DCC: variants seen among roughly 807,000 people sequenced by gnomAD.
DCC encodes netrin receptor DCC.
A neutral mutation model predicts 172.5 loss-of-function variants in DCC; 58 were observed. The observed-to-expected ratio is 0.34, with a 90% CI of 0.27 to 0.42. DCC has a LOEUF of 0.42. Ranked by LOEUF, DCC falls within the 10% of genes least tolerant of loss-of-function variation. The pLI, the probability that DCC is intolerant of heterozygous loss-of-function variation, is 1.00. For synonymous variants in DCC, 709 were observed against 644.5 expected (o/e 1.10, Z -1.52); for missense variants, 1,740 against 1,791.0 (o/e 0.97, Z 0.51).
chr18:52,602,893 A>C (rs1019944755), intron 1 of DCC, among the ~76,000 whole-genome samples: 3 of 152,066 alleles, frequency 2.0e-5, no homozygotes, highest in African/African-American at 7.2e-5. Context: ...CTTAACCTGG[A>C]ATATTACCTA....
intron 9 of DCC, among the ~76,000 whole-genome samples, chr18:53,190,041 C>T (rs958677010): frequency 2.0e-5 from 3 of 152,218 alleles, no homozygotes; most frequent in Non-Finnish European, 4.4e-5. Flanking sequence ...ATTCTCCTGC[C>T]TCAGCCTCCC....
intron 9 of DCC, among the ~76,000 whole-genome samples, chr18:53,186,050 A>G (rs1254810966): frequency 6.6e-6 from 1 of 152,186 alleles, no homozygotes; most frequent in African/African-American, 2.4e-5. Flanking sequence ...ACAGTGGTAT[A>G]TCGTAAGTGT....
chr18:52,513,367 C>A (rs546849128), intron 1 of DCC, among the ~76,000 whole-genome samples: 13 of 152,178 alleles, frequency 8.5e-5, no homozygotes, highest in Middle Eastern at 3.4e-3. Context: ...CCTAATCTCT[C>A]TGATTCTTTT....
intron 7 of DCC, among the ~76,000 whole-genome samples, chr18:53,081,527 A>T (rs1369632749): frequency 1.3e-5 from 2 of 151,972 alleles, no homozygotes; most frequent in African/African-American, 4.8e-5. Context: ...AAAAGAAAAA[A>T]AAAAAGACCT....
At chr18:53,080,117 C>A (rs2042779045) in intron 7 of DCC, among the ~76,000 whole-genome samples, 1 of 151,950 alleles carries the variant, frequency 6.6e-6, no homozygotes, top group Admixed American at 6.6e-5. Flanking sequence ...GTAGGCTAAG[C>A]AAGAGAGAAT....
chr18:52,926,916 T>TACATATATATACAC, intron 5 of DCC, among the ~76,000 whole-genome samples: 1 of 136,648 alleles, frequency 7.3e-6, no homozygotes, highest in African/African-American at 2.7e-5. Flanking sequence ...TATATACGTA[T>TACATATATATACAC]ACATATATAT....
chr18:52,677,356 G>A (rs1328519929), intron 1 of DCC, among the ~76,000 whole-genome samples: 1 of 152,098 alleles, frequency 6.6e-6, no homozygotes, highest in African/African-American at 2.4e-5. Context: ...TAAAATGCTT[G>A]TTCTTGAGGC....
At chr18:53,235,885 G>T (rs1385684102) in intron 12 of DCC, among the ~76,000 whole-genome samples, 1 of 151,974 alleles carries the variant, frequency 6.6e-6, no homozygotes, top group African/African-American at 2.4e-5. Context: ...TTTGTCCTTT[G>T]GTGTCTGGCT....
chr18:52,471,697 G>A (rs1365206438), intron 1 of DCC, among the ~76,000 whole-genome samples: 2 of 152,170 alleles, frequency 1.3e-5, no homozygotes, highest in African/African-American at 2.4e-5. Flanking sequence ...GAGTAATGAC[G>A]AAGAATGCAG....
chr18:52,726,085 A>T lies in DCC; in HGVS notation c.92-25969A>T, dbSNP rs147906420. ...AGCAAGTGATCACATTTTGACCAAT[A>T]TTGACCATGATGAATGACCAAGTGT... On this transcript the variant is annotated intron_variant, in intron 1 of 28. Coordinates refer to ENST00000442544, the MANE Select transcript of DCC (RefSeq NM_005215.4). Among the ~76,000 whole-genome samples, 24 of 152,336 alleles carry T rather than the reference A, an allele frequency of 1.6e-4. No individual in the cohort carries two copies. In the East Asian group the frequency reaches 4.6e-3, roughly 29 times the overall value.
At position 52,507,735 on chromosome 18, in the gene DCC, T is replaced by A. The variant is rs16955118; in HGVS notation, c.91+166857T>A. ...ATCTACCATTTCTAGAGTGATTGAA[T>A]CCTCAGAGCATCTTTTGGTATCAAA... On this transcript the variant is annotated intron_variant, in intron 1 of 28. Transcript: ENST00000442544. 3.7e-3 allele frequency among the ~76,000 whole-genome samples: 558 copies of A among 152,306 alleles called. 6 individuals carry two copies. Among genetic ancestry groups the A allele is most frequent in the African/African-American group, 0.013 (532 of 41,566 alleles).
intron 15 of DCC, among the ~76,000 whole-genome samples, chr18:53,346,888 T>C (rs900225888): frequency 5.9e-5 from 9 of 152,196 alleles, no homozygotes; most frequent in Non-Finnish European, 1.0e-4. Flanking sequence ...ATCTGAGTTT[T>C]ATTACAATCC....
intron 15 of DCC, among the ~76,000 whole-genome samples, chr18:53,369,321 T>C (rs528003417): frequency 6.6e-6 from 1 of 152,096 alleles, no homozygotes; most frequent in East Asian, 1.9e-4. Context: ...TTTGGTTTTT[T>C]TGTACGTGTT....
chr18:53,091,949 A>G (rs748776983), intron 7 of DCC, among the ~76,000 whole-genome samples: 19 of 151,988 alleles, frequency 1.3e-4, no homozygotes, highest in Non-Finnish European at 2.4e-4. Context: ...TTGGCTAGCA[A>G]AACTATGGGA....
At position 53,402,656 on chromosome 18, in the gene DCC, T is replaced by G. The variant is rs1038841578; in HGVS notation, c.2828-130T>G. On this transcript the variant is annotated intron_variant, in intron 18 of 28. Transcript: ENST00000442544. ...GCTTATTCAAATCCTTGAAATAAAC[T>G]GTAAATGGCAAAATAGACATGATAT... 46 of 770,036 alleles carry G rather than the reference T, an allele frequency of 6.0e-5. No individual in the cohort carries two copies. In the African/African-American group the frequency reaches 7.8e-4, roughly 13 times the overall value. 47.7% of individuals were successfully genotyped at this position (770,036 alleles called of 1,614,324 possible).
chr18:52,447,486 A>G (rs535212135), intron 1 of DCC, among the ~76,000 whole-genome samples: 10 of 152,206 alleles, frequency 6.6e-5, no homozygotes, highest in African/African-American at 1.7e-4. Context: ...GGTGACTGGA[A>G]CAGGCTTCAC....
intron 15 of DCC, among the ~76,000 whole-genome samples, chr18:53,382,104 A>ACACACACC (rs770734401): frequency 4.7e-4 from 25 of 52,950 alleles, no homozygotes; most frequent in African/African-American, 7.8e-4. Context: ...ACACACACAC[A>ACACACACC]CCCCTACCTC....
intron 5 of DCC, among the ~76,000 whole-genome samples, chr18:53,010,185 CCTGT>C (rs1370657314): frequency 6.6e-6 from 1 of 151,760 alleles, no homozygotes; most frequent in Admixed American, 6.6e-5. Flanking sequence ...AGCAAAATAC[CCTGT>C]CTAATTTGAT....
chr18:52,601,847 C>A (rs1331163753), intron 1 of DCC, among the ~76,000 whole-genome samples: 3 of 152,070 alleles, frequency 2.0e-5, no homozygotes, highest in East Asian at 1.9e-4. Flanking sequence ...TATTCCAGGG[C>A]CAACTAAATA....
Sources: allele counts gnomAD v4.1 joint callset (sites outside exome capture counted in the v4.1 genomes callset), GRCh38; gene constraint gnomAD v4.1.1; transcripts MANE v1.5; gene names NCBI Gene and HGNC (gene_info 2026-07-23, HGNC 2026-07-21).